The following CHRM3 variants were observed in gnomAD, a reference collection of about 807,000 sequenced individuals.
The protein encoded by CHRM3 is muscarinic acetylcholine receptor M3.
A neutral mutation model predicts 41.8 loss-of-function variants in CHRM3; 11 were observed. The observed-to-expected ratio is 0.26, with a 90% CI of 0.17 to 0.44. The LOEUF (loss-of-function observed/expected upper bound fraction) is 0.44, where lower values mean the gene tolerates loss of function less well. Ranked by LOEUF, CHRM3 falls within the 20% of genes least tolerant of loss-of-function variation. The probability of loss-of-function intolerance (pLI) is 1.00; values close to 1 mark genes in which losing one functional copy is unlikely to be tolerated. For synonymous variants in CHRM3, 297 were observed against 301.4 expected (o/e 0.99, Z 0.15); for missense variants, 571 against 745.4 (o/e 0.77, Z 2.72).
chr1:239,915,259 C>T lies in CHRM3; in HGVS notation c.*6035C>T, dbSNP rs138094946. ...TCTTTGCCAAAGGCACTGAATTTTACCTTTTTTTATTACCTCGTGGCCAGC... is the reference window on the plus strand; with the variant it reads ...TCTTTGCCAAAGGCACTGAATTTTATCTTTTTTTATTACCTCGTGGCCAGC... On this transcript the variant is annotated 3_prime_UTR_variant, in exon 7 of 7. Transcript: ENST00000676153. 6.0e-6 allele frequency: 1 copy of T among 167,222 alleles called. No individual in the cohort carries two copies. The highest frequency in any genetic ancestry group is 1.9e-4 in the East Asian group (1 of 5,188). The allele number at this position is 167,222 out of a possible 1,614,324, so 10.4% of individuals were successfully genotyped here.
chr1:239,763,077 A>C (rs574766814), intron 5 of CHRM3, among the ~76,000 whole-genome samples: 1 of 152,318 alleles, frequency 6.6e-6, no homozygotes, highest in African/African-American at 2.4e-5. Context: ...TGCAAATGGA[A>C]CCCATGAGGA....
At chr1:239,672,533 A>G (rs1674478604) in intron 4 of CHRM3, among the ~76,000 whole-genome samples, 1 of 151,906 alleles carries the variant, frequency 6.6e-6, no homozygotes, top group Non-Finnish European at 1.5e-5. Flanking sequence ...AGATAATCAA[A>G]TTCTGGAGAC....
intron 5 of CHRM3, among the ~76,000 whole-genome samples, chr1:239,711,804 T>A (rs1661822597): frequency 6.6e-6 from 1 of 151,954 alleles, no homozygotes; most frequent in South Asian, 2.1e-4. Flanking sequence ...TCCTCTTGCT[T>A]CAGCCTCTAG....
intron 6 of CHRM3, among the ~76,000 whole-genome samples, chr1:239,897,107 G>A (rs577050935): frequency 1.3e-5 from 2 of 152,236 alleles, no homozygotes; most frequent in South Asian, 2.1e-4. Context: ...GGCAGAATCG[G>A]GTGTACTTCC....
chr1:239,826,392 T>A (rs1285788483), intron 5 of CHRM3, among the ~76,000 whole-genome samples: 2 of 152,098 alleles, frequency 1.3e-5, no homozygotes, highest in Non-Finnish European at 2.9e-5. Context: ...CATACTTGAG[T>A]ATGACTGCAA....
intron 1 of CHRM3, among the ~76,000 whole-genome samples, chr1:239,401,799 G>A (rs1660001403): frequency 6.6e-6 from 1 of 152,034 alleles, no homozygotes; most frequent in Non-Finnish European, 1.5e-5. Flanking sequence ...GGCAGACTTT[G>A]AGGGGATTTT....
At chr1:239,534,248 C>T (rs1385668809) in intron 2 of CHRM3, among the ~76,000 whole-genome samples, 1 of 152,152 alleles carries the variant, frequency 6.6e-6, no homozygotes, top group Non-Finnish European at 1.5e-5. Context: ...ATTGCTTGAA[C>T]CCGGGAGGCA....
chr1:239,702,839 A>C (rs1367395751), intron 5 of CHRM3, among the ~76,000 whole-genome samples: 2 of 152,236 alleles, frequency 1.3e-5, no homozygotes, highest in African/African-American at 4.8e-5. Context: ...ATTCCCATTC[A>C]AAGAAAGTAG....
At chr1:239,622,852 T>G (rs1223715260) in intron 3 of CHRM3, among the ~76,000 whole-genome samples, 1 of 152,214 alleles carries the variant, frequency 6.6e-6, no homozygotes. Context: ...GACAAAATGC[T>G]GTCAAACAGC....
At chr1:239,421,909 AG>A (rs900405274) in intron 1 of CHRM3, among the ~76,000 whole-genome samples, 1 of 152,094 alleles carries the variant, frequency 6.6e-6, no homozygotes, top group Non-Finnish European at 1.5e-5. Context: ...TTAAGAATGC[AG>A]GTTGTAATTT....
chr1:239,545,280 G>T (rs1416858845), intron 2 of CHRM3, among the ~76,000 whole-genome samples: 4 of 152,106 alleles, frequency 2.6e-5, no homozygotes, highest in Admixed American at 2.0e-4. Context: ...TAGGCTATGG[G>T]TACACAAAGG....
At chr1:239,747,014 C>T (rs1270732402) in intron 5 of CHRM3, among the ~76,000 whole-genome samples, 2 of 152,030 alleles carry the variant, frequency 1.3e-5, no homozygotes, top group African/African-American at 2.4e-5. Context: ...CCTCAGCTTC[C>T]CAGAGTGCTG....
chr1:239,793,137 C>T (rs886644599), intron 5 of CHRM3, among the ~76,000 whole-genome samples: 1 of 152,194 alleles, frequency 6.6e-6, no homozygotes, highest in African/African-American at 2.4e-5. Flanking sequence ...CAGTAAATCA[C>T]TGCTGTCTTT....
chr1:239,836,269 G>A (rs555352435), intron 6 of CHRM3, among the ~76,000 whole-genome samples: 6 of 152,346 alleles, frequency 3.9e-5, no homozygotes, highest in African/African-American at 1.4e-4. Flanking sequence ...TCCTCAGATC[G>A]AGAAAGGGTG....
chr1:239,618,026 T>A (rs1667820636), intron 3 of CHRM3, among the ~76,000 whole-genome samples: 1 of 152,130 alleles, frequency 6.6e-6, no homozygotes, highest in African/African-American at 2.4e-5. Context: ...CTGCCGTTGT[T>A]ACGTTTCCTT....
At chr1:239,874,229 A>AAT (rs1288710217) in intron 6 of CHRM3, among the ~76,000 whole-genome samples, 18 of 142,780 alleles carry the variant, frequency 1.3e-4, no homozygotes, top group Admixed American at 3.6e-4. Context: ...TTAGTTTTAG[A>AAT]ATATATATAT....
intron 1 of CHRM3, among the ~76,000 whole-genome samples, chr1:239,466,556 C>T (rs146537615): frequency 4.1e-3 from 620 of 152,012 alleles, no homozygotes; most frequent in Non-Finnish European, 5.8e-3. Context: ...CCACCCCTAA[C>T]TCCCACATTA....
At chr1:239,459,593 C>A (rs1665206868) in intron 1 of CHRM3, among the ~76,000 whole-genome samples, 1 of 152,136 alleles carries the variant, frequency 6.6e-6, no homozygotes, top group African/African-American at 2.4e-5. Flanking sequence ...GATAATTATA[C>A]TTAAATGAAA....
intron 1 of CHRM3, among the ~76,000 whole-genome samples, chr1:239,401,424 C>A (rs2102979725): frequency 6.6e-6 from 1 of 152,252 alleles, no homozygotes; most frequent in Non-Finnish European, 1.5e-5. Context: ...TTTTCTTACC[C>A]TTGCAACTTT....
Sources: allele counts gnomAD v4.1 joint callset (sites outside exome capture counted in the v4.1 genomes callset), GRCh38; gene constraint gnomAD v4.1.1; transcripts MANE v1.5; gene names NCBI Gene and HGNC (gene_info 2026-07-23, HGNC 2026-07-21).